Variants in GOLGA4 observed in about 807,000 individuals in gnomAD.
GOLGA4 encodes the protein golgin A4, also known as golgin subfamily A member 4.
A neutral mutation model predicts 265.9 loss-of-function variants in GOLGA4; 169 were observed. That is an observed-to-expected ratio of 0.64 (90% CI 0.56 to 0.72). The LOEUF (loss-of-function observed/expected upper bound fraction) is 0.72, where lower values mean the gene tolerates loss of function less well. GOLGA4 is among the 30% of genes least tolerant of loss of function. GOLGA4 has a pLI of 0.00. For synonymous variants in GOLGA4, 923 were observed against 855.8 expected (o/e 1.08, Z -1.37); for missense variants, 2,482 against 2,483.4 (o/e 1.00, Z 0.01).
intron 17 of GOLGA4, among the ~76,000 whole-genome samples, chr3:37,335,997 A>T (rs1474699481): frequency 6.6e-6 from 1 of 152,120 alleles, no homozygotes; most frequent in Admixed American, 6.5e-5. Context: ...TATCCTGGAG[A>T]GGATTCGTTA....
intron 19 of GOLGA4, among the ~76,000 whole-genome samples, chr3:37,339,024 G>A (rs544242087): frequency 5.9e-5 from 9 of 152,032 alleles, no homozygotes; most frequent in South Asian, 2.1e-4. Flanking sequence ...ACCACGCCCG[G>A]CTAATTTTTT....
intron 23 of GOLGA4, among the ~76,000 whole-genome samples, chr3:37,363,205 A>G (rs1696470373): frequency 6.6e-6 from 1 of 152,216 alleles, no homozygotes; most frequent in Non-Finnish European, 1.5e-5. Flanking sequence ...CATCCACATT[A>G]CAATGGCTGG....
intron 20 of GOLGA4, among the ~76,000 whole-genome samples, chr3:37,342,930 C>T (rs763648348): frequency 2.6e-5 from 4 of 152,140 alleles, no homozygotes; most frequent in African/African-American, 4.8e-5. Context: ...GATGAAGTCT[C>T]GCTCTGTTGC....
chr3:37,337,732 C>T lies in GOLGA4; in HGVS notation c.6394C>T (p.Gln2132Ter). The T allele has an allele frequency of 1.3e-6, 2 of 1,582,834 alleles. No homozygotes were observed. Among genetic ancestry groups the T allele is most frequent in the Non-Finnish European group, 1.7e-6 (2 of 1,151,456 alleles). Residue 2132 changes from glutamine to a stop codon, truncating the protein, a stop_gained and splice_region_variant, in exon 19 of 24, where the codon CAG (glutamine) becomes TAG (stop). Coordinates refer to ENST00000361924, the MANE Select transcript of GOLGA4 (RefSeq NM_002078.5). LOFTEE classifies it high-confidence loss of function. ...SKLKEQEFREQIHNLEDRLKK... is the reference protein window; with the variant it reads ...SKLKEQEFRE ...ATTGAAAGAGCAAGAGTTCAGAGAA[C>T]AGGTACAGGCCTAATTGGTACCTTT...
At chr3:37,283,373 T>C (rs1257059154) in intron 3 of GOLGA4, among the ~76,000 whole-genome samples, 1 of 152,212 alleles carries the variant, frequency 6.6e-6, no homozygotes, top group African/African-American at 2.4e-5. Flanking sequence ...TTTTTAACTT[T>C]TATTTTTAAA....
At chr3:37,254,430 CTAAA>C (rs1174694725) in intron 2 of GOLGA4, among the ~76,000 whole-genome samples, 5 of 151,662 alleles carry the variant, frequency 3.3e-5, no homozygotes, top group African/African-American at 9.7e-5. Context: ...CTGTCAACAT[CTAAA>C]TAAAGGTTTT....
intron 1 of GOLGA4, chr3:37,245,206 A>C (rs182468407): frequency 2.6e-5 from 4 of 152,670 alleles, no homozygotes; most frequent in Admixed American, 2.6e-4. Context: ...TTACTGTGTC[A>C]TTAGTATGTA....
chr3:37,306,501 CTGTG>C (rs35641880), intron 10 of GOLGA4, among the ~76,000 whole-genome samples: 16,156 of 140,004 alleles, frequency 0.12, 1,013 homozygotes, highest in African/African-American at 0.18. Flanking sequence ...TGGCTGTTCT[CTGTG>C]TGTGTGTGTG....
intron 10 of GOLGA4, among the ~76,000 whole-genome samples, chr3:37,307,377 C>G (rs1426642953): frequency 2.0e-5 from 3 of 152,140 alleles, no homozygotes; most frequent in African/African-American, 7.2e-5. Flanking sequence ...AAGATTTATG[C>G]ATTTTTATAT....
chr3:37,344,530 T>C (rs1280787998), intron 20 of GOLGA4, among the ~76,000 whole-genome samples: 1 of 150,296 alleles, frequency 6.7e-6, no homozygotes, highest in Non-Finnish European at 1.5e-5. Context: ...ATGAGGTCTT[T>C]CTATGTTGCC....
intron 12 of GOLGA4, among the ~76,000 whole-genome samples, chr3:37,321,251 A>G (rs1177635893): frequency 6.6e-6 from 1 of 152,160 alleles, no homozygotes; most frequent in African/African-American, 2.4e-5. Context: ...GCTTTGTTTT[A>G]TAGATATTGT....
Position 37,278,763 on chromosome 3 carries a change from T to C in GOLGA4, c.163-3195T>C, listed in dbSNP as rs147969528. 4.9e-4 allele frequency among the ~76,000 whole-genome samples: 75 copies of C among 152,256 alleles called. 2 individuals are homozygous for C. In the East Asian group the frequency reaches 0.014, roughly 28 times the overall value. ...ACATATATGAAACATTTTACATATA[T>C]GATCTCATTAATTCTCATAACAAAA... is the stretch of plus-strand genomic sequence containing the variant. On this transcript the variant is annotated intron_variant, in intron 2 of 23. Transcript: ENST00000361924.
At position 37,323,810 on chromosome 3, in the gene GOLGA4, A is replaced by G. The variant is rs552389211; in HGVS notation, c.1924A>G (p.Met642Val). 6.2e-7 allele frequency: 1 copy of G among 1,609,772 alleles called. No homozygotes were observed. Among genetic ancestry groups the G allele is most frequent in the African/African-American group, 1.3e-5 (1 of 74,520 alleles). ...QVLKQQYQTE[M>V]EKLREKCEQE... ...CTTAAAGCAACAATATCAGACTGAAATGGAAAAACTTAGGGAAAAGTGTGA... is the reference window on the plus strand; with the variant it reads ...CTTAAAGCAACAATATCAGACTGAAGTGGAAAAACTTAGGGAAAAGTGTGA... Residue 642 changes from methionine (M) to valine (V), a missense_variant, in exon 14 of 24, where the codon ATG becomes GTG. Met to Val is a conservative substitution (Grantham distance 21). Coordinates refer to ENST00000361924, the MANE Select transcript of GOLGA4 (RefSeq NM_002078.5).
Position 37,327,047 on chromosome 3 carries a change from CAAG to C in GOLGA4, c.5168_5170del (p.Glu1723del), listed in dbSNP as rs763818128. ...AAAAAATGTGGCAGCATATACTGAA[CAAG>C]AAGAAGCAGATTCCCAAGGCTGTGT... On this transcript the variant is annotated inframe_deletion, in exon 14 of 24. Transcript: ENST00000361924. The C allele has an allele frequency of 6.2e-7, 1 of 1,613,706 alleles. No homozygotes were observed. Among genetic ancestry groups the C allele is most frequent in the Non-Finnish European group, 8.5e-7 (1 of 1,179,794 alleles).
rs201212330 is a variant in GOLGA4, at chr3:37,285,171, TTTA to T, written c.478-842_478-840del. On this transcript the variant is annotated intron_variant, in intron 3 of 23. Coordinates refer to ENST00000361924, the MANE Select transcript of GOLGA4 (RefSeq NM_002078.5). ...TGAGTAACTTTTTTTTTTTTTTTTT[TTTA>T]AATTATAATAGAGACAAGGTCTCAC... 5.5e-3 allele frequency among the ~76,000 whole-genome samples: 729 copies of T among 132,390 alleles called. 10 individuals are homozygous for T. Among genetic ancestry groups the T allele is most frequent in the African/African-American group, 0.015 (577 of 38,280 alleles). The allele number at this position is 132,390 out of a possible 152,430, so 86.9% of individuals were successfully genotyped here. A position where few individuals can be genotyped will look rare whatever the true frequency, so the allele number is the denominator to read the frequency against.
chr3:37,287,848 G>A (rs1257106950), intron 4 of GOLGA4, among the ~76,000 whole-genome samples: 3 of 152,066 alleles, frequency 2.0e-5, no homozygotes, highest in Admixed American at 2.0e-4. Context: ...TACTCCCTTG[G>A]TCATAGGTAA....
chr3:37,279,045 T>C (rs2096827471), intron 2 of GOLGA4, among the ~76,000 whole-genome samples: 1 of 152,154 alleles, frequency 6.6e-6, no homozygotes, highest in Admixed American at 6.5e-5. Context: ...AAAAACAATG[T>C]ATATACACAA....
At chr3:37,318,262 G>A (rs983195015) in intron 11 of GOLGA4, among the ~76,000 whole-genome samples, 1 of 152,074 alleles carries the variant, frequency 6.6e-6, no homozygotes, top group African/African-American at 2.4e-5. Context: ...GTCCAGGCCA[G>A]TCTTGAACTC....
intron 2 of GOLGA4, among the ~76,000 whole-genome samples, chr3:37,253,387 A>C (rs1208505769): frequency 6.9e-6 from 1 of 145,480 alleles, no homozygotes; most frequent in East Asian, 1.9e-4. Flanking sequence ...TTTAACCAAA[A>C]ACTTAATTAT....
Sources: allele counts gnomAD v4.1 joint callset (sites outside exome capture counted in the v4.1 genomes callset), GRCh38; gene constraint gnomAD v4.1.1; transcripts MANE v1.5; gene names NCBI Gene and HGNC (gene_info 2026-07-23, HGNC 2026-07-21).